Variants in RRAGB observed in about 807,000 individuals in gnomAD.
RRAGB encodes the protein Ras related GTP binding B.
Under a neutral mutation model 29.3 loss-of-function variants are expected in RRAGB, and 6 were observed. That is an observed-to-expected ratio of 0.21 (90% CI 0.11 to 0.40). The LOEUF (loss-of-function observed/expected upper bound fraction) is 0.40. Ranked by LOEUF, RRAGB falls within the 10% of genes least tolerant of loss-of-function variation. The pLI, the probability that RRAGB is intolerant of heterozygous loss-of-function variation, is 1.00. For synonymous variants in RRAGB, 101 were observed against 92.5 expected, an observed-to-expected ratio of 1.09 and a Z score of -0.53; for missense variants, 184 against 272.9, an observed-to-expected ratio of 0.67 and a Z score of 2.29.
At chrX:55,732,395 G>A (rs2033715529) in intron 5 of RRAGB, among the ~76,000 whole-genome samples, 1 of 111,812 alleles carries the variant, frequency 8.9e-6, no homozygotes, top group African/African-American at 3.2e-5. Context: ...CTATTTCTAA[G>A]GGTATAAAAC....
At chrX:55,737,278 A>G (rs933350859) in intron 5 of RRAGB, among the ~76,000 whole-genome samples, 5 of 112,646 alleles carry the variant, frequency 4.4e-5, no homozygotes. Flanking sequence ...GTCCATCTGC[A>G]GGAATGCTGA....
chrX:55,723,408 C>G (rs2033359797), intron 3 of RRAGB, among the ~76,000 whole-genome samples: 1 of 109,473 alleles, frequency 9.1e-6, no homozygotes, highest in African/African-American at 3.3e-5. Flanking sequence ...TCTCAAAGTG[C>G]TGGGATTACA....
intron 7 of RRAGB, 131 bp downstream of exon 7, chrX:55,753,645 T>C (rs1253691844): frequency 3.4e-6 from 2 of 596,949 alleles, no homozygotes; most frequent in East Asian, 3.5e-5. Flanking sequence ...TACAGACTTA[T>C]TTATAAAATA....
intron 3 of RRAGB, among the ~76,000 whole-genome samples, chrX:55,722,547 T>C (rs1347778627): frequency 3.6e-5 from 4 of 112,215 alleles, no homozygotes; most frequent in African/African-American, 1.3e-4. Context: ...TTCTGCTATT[T>C]CTTAAACAAG....
At chrX:55,734,310 T>C (rs2033797511) in intron 5 of RRAGB, among the ~76,000 whole-genome samples, 1 of 109,035 alleles carries the variant, frequency 9.2e-6, no homozygotes, top group Non-Finnish European at 1.9e-5. Context: ...TAATTGTTAG[T>C]GCTCTGTTCA....
rs187424681 is a variant in RRAGB, at chrX:55,732,518, C to T, written c.516+932C>T. 3.6e-5 allele frequency among the ~76,000 whole-genome samples: 4 copies of T among 111,567 alleles called. No individual in the cohort carries two copies. In the East Asian group the frequency reaches 1.1e-3, roughly 31 times the overall value. On this transcript the variant is annotated intron_variant, in intron 5 of 9. Coordinates refer to ENST00000374941, the MANE Select transcript of RRAGB (RefSeq NM_006064.5). Reference sequence around the variant, plus strand: ...TAATGAAAGGATTTTTTGGTAATTGCTGTGGTAAGGAATACTTTTTTATAT... The same window carrying T: ...TAATGAAAGGATTTTTTGGTAATTGTTGTGGTAAGGAATACTTTTTTATAT...
chrX:55,749,165 C>T (rs1399323483), intron 5 of RRAGB, among the ~76,000 whole-genome samples: 2 of 91,439 alleles, frequency 2.2e-5, no homozygotes, highest in African/African-American at 4.0e-5. Flanking sequence ...CCCGGCCAGC[C>T]GCCCCGTCCG....
rs1477351384 is a variant in RRAGB, at chrX:55,720,670, G to C, written c.126+1323G>C. ...AGCCTGGCCAACATGGCAAAACCCT[G>C]TCTGTACTAAATATACCAAAAAAAA... On this transcript the variant is annotated intron_variant, in intron 2 of 9. Transcript: ENST00000374941. Among the ~76,000 whole-genome samples, 4 of 86,576 alleles carry C rather than the reference G, an allele frequency of 4.6e-5. No individual in the cohort carries two copies. In the Admixed American group the frequency reaches 5.8e-4, roughly 13 times the overall value. 75.2% of individuals were successfully genotyped at this position (86,576 alleles called of 115,157 possible). A position where few individuals can be genotyped will look rare whatever the true frequency, so the allele number is the denominator to read the frequency against.
At chrX:55,719,914 G>T (rs993919215) in intron 2 of RRAGB, among the ~76,000 whole-genome samples, 3 of 111,732 alleles carry the variant, frequency 2.7e-5, no homozygotes, top group Admixed American at 9.5e-5. Context: ...AACCTTTTGG[G>T]GCTTCAGTTT....
chrX:55,743,848 G>A (rs187141543), intron 5 of RRAGB, among the ~76,000 whole-genome samples: 52 of 111,887 alleles, frequency 4.6e-4, no homozygotes, highest in Non-Finnish European at 9.4e-5. Context: ...GAACAACCAG[G>A]TGGTCAAAGT....
rs933178481 is a variant in RRAGB, at chrX:55,722,105, G to A, written c.127-81G>A. On this transcript the variant is annotated intron_variant, in intron 2 of 9. Transcript: ENST00000374941. The stretch of plus-strand genomic sequence containing the variant: ...TCAGTTCAGGAAAATATCAAATCCA[G>A]GAGAGAAATAGATCCCTTTAGACTT... 3.0e-5 allele frequency: 16 copies of A among 528,150 alleles called. No homozygotes were observed. In the African/African-American group the frequency reaches 3.7e-4, roughly 12 times the overall value. 43.5% of individuals were successfully genotyped at this position (528,150 alleles called of 1,213,427 possible).
At chrX:55,727,430 G>A (rs1179435069) in intron 3 of RRAGB, 1 of 608,309 alleles carries the variant, frequency 1.6e-6, no homozygotes, top group Admixed American at 2.4e-5. Context: ...GGAAGTAAAG[G>A]GGAGAAGGGA....
At position 55,751,005 on chromosome X, in the gene RRAGB, A is replaced by G. The variant is rs2034507550; in HGVS notation, c.517-96A>G. 4 of 539,904 alleles carry G rather than the reference A, an allele frequency of 7.4e-6. No individual in the cohort carries two copies. The South Asian group carries it at 1.5e-4, about 21-fold the overall frequency. 44.5% of individuals were successfully genotyped at this position (539,904 alleles called of 1,213,427 possible). ...TTAAAATTCCTCTTAGAAAGGAACAAAAGCTCCTGGTTAAAATATGATAAA... is the reference window on the plus strand; with the variant it reads ...TTAAAATTCCTCTTAGAAAGGAACAGAAGCTCCTGGTTAAAATATGATAAA... On this transcript the variant is annotated intron_variant, in intron 5 of 9. Transcript: ENST00000374941.
At chrX:55,756,252 T>C (rs2034655319) in intron 8 of RRAGB, among the ~76,000 whole-genome samples, 1 of 112,177 alleles carries the variant, frequency 8.9e-6, no homozygotes, top group Admixed American at 9.5e-5. Flanking sequence ...TTTGCCTTAC[T>C]GAATACCAAA....
At chrX:55,725,292 G>A (rs2033438323) in intron 3 of RRAGB, among the ~76,000 whole-genome samples, 1 of 111,914 alleles carries the variant, frequency 8.9e-6, no homozygotes, top group Non-Finnish European at 1.9e-5. Context: ...TACTTTGTTA[G>A]TAATCACTGT....
chrX:55,749,321 T>C (rs1490603678), intron 5 of RRAGB, among the ~76,000 whole-genome samples: 1 of 78,820 alleles, frequency 1.3e-5, no homozygotes, highest in Non-Finnish European at 2.5e-5. Context: ...GGTGGGGGGG[T>C]CAGTCCCCAG....
intron 3 of RRAGB, among the ~76,000 whole-genome samples, chrX:55,725,293 T>C (rs2146746305): frequency 8.9e-6 from 1 of 112,264 alleles, no homozygotes; most frequent in South Asian, 3.7e-4. Flanking sequence ...ACTTTGTTAG[T>C]AATCACTGTA....
intron 5 of RRAGB, among the ~76,000 whole-genome samples, chrX:55,745,289 G>A (rs1239184005): frequency 8.9e-6 from 1 of 112,581 alleles, no homozygotes; most frequent in East Asian, 2.8e-4. Flanking sequence ...TAGGACTAGA[G>A]AGCTGATATA....
At chrX:55,733,783 T>G (rs1187311150) in intron 5 of RRAGB, among the ~76,000 whole-genome samples, 1 of 111,360 alleles carries the variant, frequency 9.0e-6, no homozygotes, top group Non-Finnish European at 1.9e-5. Context: ...TGTCCTTTCG[T>G]GGCTTTGGTA....
Sources: allele counts gnomAD v4.1 joint callset (sites outside exome capture counted in the v4.1 genomes callset), GRCh38; gene constraint gnomAD v4.1.1; transcripts MANE v1.5; gene names NCBI Gene and HGNC (gene_info 2026-07-23, HGNC 2026-07-21).